GSPT1: variants seen among roughly 807,000 people sequenced by gnomAD.
GSPT1 encodes eukaryotic peptide chain release factor GTP-binding subunit ERF3A.
Under a neutral mutation model 72.5 loss-of-function variants are expected in GSPT1, and 20 were observed. The ratio of observed to expected loss-of-function variants is 0.28; its 90% CI spans 0.19 to 0.40. The LOEUF (loss-of-function observed/expected upper bound fraction) is 0.40, where lower values mean the gene tolerates loss of function less well. Ranked by LOEUF, GSPT1 falls within the 10% of genes least tolerant of loss-of-function variation. GSPT1 has a pLI of 1.00. For synonymous variants in GSPT1, 334 were observed against 293.5 expected (o/e 1.14, Z -1.41); for missense variants, 580 against 811.9 (o/e 0.71, Z 3.47).
intron 1 of GSPT1, among the ~76,000 whole-genome samples, chr16:11,907,237 G>C (rs903224016): frequency 1.3e-5 from 2 of 152,192 alleles, no homozygotes; most frequent in Non-Finnish European, 2.9e-5. Context: ...AGTTTCTGGA[G>C]AGTCTCAGTC....
In GSPT1 at chr16:11,915,357, C is replaced by A. The variant is rs1449978855; in HGVS notation, c.352+12G>T. 1 of 1,464,122 alleles carries A rather than the reference C, an allele frequency of 6.8e-7. No individual in the cohort carries two copies. The highest frequency in any genetic ancestry group is 2.9e-5 in the Admixed American group (1 of 35,038). 90.7% of individuals were successfully genotyped at this position (1,464,122 alleles called of 1,614,324 possible). ...GCCCGGCCGGACTTCCTCCCGCGTC[C>A]CGGGCCTTTACCCGCACGGCCTCCC... On this transcript the variant is annotated intron_variant, in intron 1 of 14. Transcript: ENST00000434724.
At chr16:11,914,883 T>C in intron 1 of GSPT1, 1 of 612,978 alleles carries the variant, frequency 1.6e-6, no homozygotes, top group East Asian at 7.1e-5. Flanking sequence ...AATTACAGTT[T>C]CAATAGTAGA....
chr16:11,915,861 T>A lies in GSPT1; in HGVS notation c.-141A>T. Reference sequence around the variant, plus strand: ...GAGCTAGCGACAAAGATCCCCGGCGTCGCCGCGGCAGCAGCTCCAGTCCCG... The same window carrying A: ...GAGCTAGCGACAAAGATCCCCGGCGACGCCGCGGCAGCAGCTCCAGTCCCG... On this transcript the variant is annotated 5_prime_UTR_variant, in exon 1 of 15. Transcript: ENST00000434724. 1 of 1,331,286 alleles carries A rather than the reference T, an allele frequency of 7.5e-7. No homozygotes were observed. Among genetic ancestry groups the A allele is most frequent in the Non-Finnish European group, 1.1e-6 (1 of 942,906 alleles). The allele number at this position is 1,331,286 out of a possible 1,614,324, so 82.5% of individuals were successfully genotyped here.
At chr16:11,906,525 T>A (rs1425507236) in intron 1 of GSPT1, among the ~76,000 whole-genome samples, 1 of 151,972 alleles carries the variant, frequency 6.6e-6, no homozygotes, top group Non-Finnish European at 1.5e-5. Flanking sequence ...TCCCAGCTAT[T>A]TAGGAGGCTG....
At chr16:11,905,128 G>C (rs563676664) in intron 1 of GSPT1, among the ~76,000 whole-genome samples, 16 of 152,160 alleles carry the variant, frequency 1.1e-4, no homozygotes, top group Admixed American at 2.6e-4. Context: ...AGCCAAATGG[G>C]TGTTCATTAA....
At chr16:11,899,333 T>C (rs2054377659) in intron 1 of GSPT1, among the ~76,000 whole-genome samples, 1 of 152,004 alleles carries the variant, frequency 6.6e-6, no homozygotes, top group Non-Finnish European at 1.5e-5. Context: ...TTGTTTTCTT[T>C]TTTTTTTTAA....
At chr16:11,889,075 G>A (rs2054220681) in intron 6 of GSPT1, among the ~76,000 whole-genome samples, 1 of 152,214 alleles carries the variant, frequency 6.6e-6, no homozygotes, top group Non-Finnish European at 1.5e-5. Flanking sequence ...CTAGGAGGCT[G>A]AGGCAGGCAG....
In GSPT1 at chr16:11,909,931, A is replaced by G. The variant is rs536827473; in HGVS notation, c.352+5438T>C. ...AGAGCGAAACTCCATCTCAAAAAAC[A>G]AAAACAAACAAAAAAACTTAGCCAG... is the stretch of plus-strand genomic sequence containing the variant. On this transcript the variant is annotated intron_variant, in intron 1 of 14. Transcript: ENST00000434724. 4.2e-5 allele frequency among the ~76,000 whole-genome samples: 6 copies of G among 144,366 alleles called. No homozygotes were observed. The Admixed American group carries it at 4.2e-4, about 10-fold the overall frequency. The allele number at this position is 144,366 out of a possible 152,430, so 94.7% of individuals were successfully genotyped here.
chr16:11,873,117 G>A lies in GSPT1; in HGVS notation c.*2C>T, dbSNP rs1290138518. ...TATTGTGCAGGGTCATCAAGAAAAT[G>A]CTTAGTCTTTCTCTGGAACCAGTTT... On this transcript the variant is annotated 3_prime_UTR_variant, in exon 15 of 15. Transcript: ENST00000434724. 6.4e-7 allele frequency: 1 copy of A among 1,570,008 alleles called. No homozygotes were observed. The highest frequency in any genetic ancestry group is 8.8e-7 in the Non-Finnish European group (1 of 1,140,230).
At chr16:11,882,542 C>T (rs555333992) in intron 11 of GSPT1, 1 of 152,496 alleles carries the variant, frequency 6.6e-6, no homozygotes, top group Non-Finnish European at 1.5e-5. Context: ...CTAGCAAAAT[C>T]TCCATCTGAA....
chr16:11,880,641 T>TTTTA (rs573736807), intron 11 of GSPT1, among the ~76,000 whole-genome samples: 249 of 152,334 alleles, frequency 1.6e-3, no homozygotes, highest in Non-Finnish European at 1.7e-3. Flanking sequence ...TGGATTTGAT[T>TTTTA]TTTATTTCCC....
chr16:11,912,177 T>C (rs2054568473), intron 1 of GSPT1, among the ~76,000 whole-genome samples: 1 of 151,178 alleles, frequency 6.6e-6, no homozygotes, highest in African/African-American at 2.4e-5. Context: ...ACCCCATCCC[T>C]GCAAAAACAC....
intron 1 of GSPT1, among the ~76,000 whole-genome samples, chr16:11,909,326 T>G (rs2054528674): frequency 6.6e-6 from 1 of 152,218 alleles, no homozygotes; most frequent in East Asian, 1.9e-4. Context: ...CGGCTCACTT[T>G]GTTAAACTCT....
At chr16:11,874,594 A>G (rs2054017613) in intron 14 of GSPT1, among the ~76,000 whole-genome samples, 1 of 151,830 alleles carries the variant, frequency 6.6e-6, no homozygotes, top group African/African-American at 2.4e-5. Context: ...GTGGTAAACT[A>G]AAACTATCAT....
At chr16:11,892,672 C>CA (rs1292329733) in intron 5 of GSPT1, among the ~76,000 whole-genome samples, 1 of 149,736 alleles carries the variant, frequency 6.7e-6, no homozygotes, top group Non-Finnish European at 1.5e-5. Context: ...ACTAAAAATA[C>CA]AAAAAAATTA....
At chr16:11,905,040 C>G (rs1373484044) in intron 1 of GSPT1, among the ~76,000 whole-genome samples, 2 of 152,220 alleles carry the variant, frequency 1.3e-5, no homozygotes, top group African/African-American at 4.8e-5. Context: ...TGCACTCCAG[C>G]CTGGGTGACA....
In GSPT1 at chr16:11,915,548, C is replaced by G. The variant is rs890378491; in HGVS notation, c.173G>C (p.Arg58Pro). ...GSLAAAAEAQ[R>P]ENLSAAFSRQ... Reference sequence around the variant, plus strand: ...GCTGAAGGCCGCGCTGAGGTTCTCCCGCTGGGCCTCGGCCGCCGCCGCCAG... The same window carrying G: ...GCTGAAGGCCGCGCTGAGGTTCTCCGGCTGGGCCTCGGCCGCCGCCGCCAG... Residue 58 changes from arginine (R) to proline (P), a missense_variant, in exon 1 of 15, where the codon CGG (arginine) becomes CCG (proline). Physicochemically the swap from Arg to Pro is moderately radical, Grantham distance 103 (BLOSUM62 -2). Transcript: ENST00000434724. 2 of 1,498,188 alleles carry G rather than the reference C, an allele frequency of 1.3e-6. No individual in the cohort carries two copies. The highest frequency in any genetic ancestry group is 1.5e-5 in the African/African-American group (1 of 68,280). 92.8% of individuals were successfully genotyped at this position (1,498,188 alleles called of 1,614,324 possible). A position where few individuals can be genotyped will look rare whatever the true frequency, so the allele number is the denominator to read the frequency against.
intron 10 of GSPT1, among the ~76,000 whole-genome samples, chr16:11,884,763 C>T (rs79082704): frequency 1.1e-5 from 1 of 94,678 alleles, no homozygotes. Flanking sequence ...GACTCCGTCT[C>T]AAAAAAAAAA....
chr16:11,875,332 G>A lies in GSPT1; in HGVS notation c.1861+429C>T, dbSNP rs1232116216. On this transcript the variant is annotated intron_variant, in intron 14 of 14. Coordinates refer to ENST00000434724, the MANE Select transcript of GSPT1 (RefSeq NM_002094.4). Reference sequence around the variant, plus strand: ...AACTTCATGACCCCAAGATGGGAATGTTAGTTGTTCTGCGTCACCCAGAGG... The same window carrying A: ...AACTTCATGACCCCAAGATGGGAATATTAGTTGTTCTGCGTCACCCAGAGG... 4.6e-5 allele frequency among the ~76,000 whole-genome samples: 7 copies of A among 152,152 alleles called. No individual in the cohort carries two copies. The East Asian group carries it at 1.3e-3, about 29-fold the overall frequency.
Sources: gnomAD v4.1 joint callset for allele counts (sites outside exome capture counted in the v4.1 genomes callset) on GRCh38, gnomAD v4.1.1 for gene constraint, MANE v1.5 for transcripts, NCBI Gene and HGNC (gene_info 2026-07-23, HGNC 2026-07-21) for gene names.